The following PID1 variants were observed in gnomAD, a reference collection of about 807,000 sequenced individuals.
PID1 encodes the protein phosphotyrosine interaction domain containing 1.
Under a neutral mutation model 19.1 loss-of-function variants are expected in PID1, and 10 were observed. The observed-to-expected ratio is 0.52, with a 90% CI of 0.32 to 0.89. The LOEUF is 0.89. Among genes scored for constraint, PID1 ranks in the 40% least tolerant of loss-of-function variants. The pLI is 0.03. For missense variants in PID1, 248 were observed against 285.3 expected, an observed-to-expected ratio of 0.87 and a Z score of 0.94; for synonymous variants, 130 against 116.0, an observed-to-expected ratio of 1.12 and a Z score of -0.78.
intron 1 of PID1, among the ~76,000 whole-genome samples, chr2:229,164,604 T>C (rs185343331): frequency 1.3e-5 from 2 of 152,262 alleles, no homozygotes; most frequent in Admixed American, 1.3e-4. Context: ...TCAGGATGAA[T>C]TAACATGAAC....
At chr2:229,226,375 A>C (rs926383478) in intron 1 of PID1, among the ~76,000 whole-genome samples, 34 of 152,230 alleles carry the variant, frequency 2.2e-4, no homozygotes, top group African/African-American at 8.0e-4. Context: ...TTTGTTCTGA[A>C]TATCACATAA....
chr2:229,243,087 GC>G (rs1689916890), intron 1 of PID1, among the ~76,000 whole-genome samples: 1 of 152,130 alleles, frequency 6.6e-6, no homozygotes, highest in Admixed American at 6.6e-5. Context: ...GTTCCACATG[GC>G]TGGGGAGGCC....
Position 229,177,194 on chromosome 2 carries a change from C to A in PID1, c.31-21230G>T, listed in dbSNP as rs1371246930. 2.6e-5 allele frequency among the ~76,000 whole-genome samples: 4 copies of A among 152,288 alleles called. No individual in the cohort carries two copies. The East Asian group carries it at 7.7e-4, about 29-fold the overall frequency. Reference sequence around the variant, plus strand: ...ATTACCTCCTACCAAGCCCCTCTCACAACACGTGGGAATGGTAGGAGTTAC... The same window carrying A: ...ATTACCTCCTACCAAGCCCCTCTCAAAACACGTGGGAATGGTAGGAGTTAC... On this transcript the variant is annotated intron_variant, in intron 1 of 2. Transcript: ENST00000392055.
chr2:229,025,875 G>A lies in PID1; in HGVS notation c.411C>T (p.Thr137=), dbSNP rs139231184. ...TGTTGGGGCTCACGTTGTGGTCGGC[G>A]GTGCAGTAGGCGATGCGGGCCACCT... is the stretch of plus-strand genomic sequence containing the variant. ...TFQVARIAYC[T]ADHNVSPNIF... is the part of the protein sequence containing the mutation. The change falls in exon 3 of 3, where the codon ACC becomes ACT. Residue 137 remains threonine, a synonymous_variant. Transcript: ENST00000392055. The A allele has an allele frequency of 6.8e-5, 110 of 1,614,098 alleles. No homozygotes were observed. Among genetic ancestry groups the A allele is most frequent in the East Asian group, 1.6e-4 (7 of 44,892 alleles).
intron 2 of PID1, among the ~76,000 whole-genome samples, chr2:229,131,463 T>C (rs1689738611): frequency 6.6e-6 from 1 of 152,176 alleles, no homozygotes; most frequent in Non-Finnish European, 1.5e-5. Context: ...ACTTCTGACC[T>C]CAGGTGATCC....
chr2:229,227,350 C>A (rs62191694), intron 1 of PID1, among the ~76,000 whole-genome samples: 35 of 151,958 alleles, frequency 2.3e-4, no homozygotes, highest in African/African-American at 8.0e-4. Flanking sequence ...TTGAACAGTG[C>A]GGATTATTGA....
At chr2:229,154,389 G>A (rs1040278395) in intron 2 of PID1, among the ~76,000 whole-genome samples, 39 of 151,566 alleles carry the variant, frequency 2.6e-4, no homozygotes, top group Non-Finnish European at 3.7e-4. Context: ...CTATTCTTTC[G>A]CCTGAAAGAT....
chr2:229,033,285 C>T (rs572648948), intron 2 of PID1, among the ~76,000 whole-genome samples: 1 of 152,316 alleles, frequency 6.6e-6, no homozygotes, highest in East Asian at 1.9e-4. Flanking sequence ...AGTTCTTCGA[C>T]TTTCCAAGCT....
At chr2:229,188,966 G>A (rs547002891) in intron 1 of PID1, among the ~76,000 whole-genome samples, 70 of 152,012 alleles carry the variant, frequency 4.6e-4, no homozygotes, top group Non-Finnish European at 8.5e-4. Context: ...TACTGGTAAC[G>A]GCTCCTTAAG....
intron 2 of PID1, among the ~76,000 whole-genome samples, chr2:229,124,953 A>T (rs1375634403): frequency 6.6e-6 from 1 of 152,176 alleles, no homozygotes; most frequent in East Asian, 1.9e-4. Flanking sequence ...GGTCAATTTC[A>T]TATTTGAACT....
intron 2 of PID1, among the ~76,000 whole-genome samples, chr2:229,029,711 G>A (rs932077356): frequency 1.3e-5 from 2 of 151,858 alleles, no homozygotes; most frequent in Non-Finnish European, 2.9e-5. Context: ...ATGATGGTGT[G>A]CACCTGTAAT....
intron 1 of PID1, among the ~76,000 whole-genome samples, chr2:229,209,621 G>A (rs1000620037): frequency 5.3e-5 from 8 of 152,088 alleles, no homozygotes; most frequent in Admixed American, 5.2e-4. Context: ...ATTAAACATT[G>A]ATCATGTTTT....
At chr2:229,081,172 T>C (rs892980960) in intron 2 of PID1, among the ~76,000 whole-genome samples, 1 of 152,192 alleles carries the variant, frequency 6.6e-6, no homozygotes, top group Admixed American at 6.5e-5. Flanking sequence ...CCTCTCCCTG[T>C]TTATTATTTA....
At chr2:229,189,930 G>A (rs1691220500) in intron 1 of PID1, among the ~76,000 whole-genome samples, 1 of 152,122 alleles carries the variant, frequency 6.6e-6, no homozygotes, top group South Asian at 2.1e-4. Flanking sequence ...AGTTATTCCC[G>A]TTTGAATTAT....
At chr2:229,122,316 T>G (rs1028435252) in intron 2 of PID1, among the ~76,000 whole-genome samples, 1 of 152,206 alleles carries the variant, frequency 6.6e-6, no homozygotes, top group Non-Finnish European at 1.5e-5. Flanking sequence ...CCATACAATA[T>G]TTGGCTTAAC....
At chr2:229,136,510 T>C (rs1025841492) in intron 2 of PID1, among the ~76,000 whole-genome samples, 2 of 152,208 alleles carry the variant, frequency 1.3e-5, no homozygotes, top group Admixed American at 6.5e-5. Context: ...CAGACAAAGA[T>C]AATTGTTTTA....
At chr2:229,101,016 A>G (rs1460252957) in intron 2 of PID1, among the ~76,000 whole-genome samples, 2 of 152,194 alleles carry the variant, frequency 1.3e-5, no homozygotes, top group African/African-American at 4.8e-5. Flanking sequence ...TACCCAAGAG[A>G]CAGTGTGTGT....
At chr2:229,093,517 A>G (rs1449071956) in intron 2 of PID1, among the ~76,000 whole-genome samples, 1 of 152,106 alleles carries the variant, frequency 6.6e-6, no homozygotes, top group African/African-American at 2.4e-5. Context: ...CTGCAATAAC[A>G]TTTACTCATT....
chr2:229,203,555 A>C (rs1392323798), intron 1 of PID1, among the ~76,000 whole-genome samples: 2 of 152,148 alleles, frequency 1.3e-5, no homozygotes, highest in Non-Finnish European at 2.9e-5. Flanking sequence ...TGTATAAGAA[A>C]AATAAATGAT....
Sources: allele counts gnomAD v4.1 joint callset (sites outside exome capture counted in the v4.1 genomes callset), GRCh38; gene constraint gnomAD v4.1.1; transcripts MANE v1.5; gene names NCBI Gene and HGNC (gene_info 2026-07-23, HGNC 2026-07-21).